Variants in RANBP1 observed in about 807,000 individuals in gnomAD.
RANBP1 encodes the protein RAN binding protein 1, also known as ran-specific GTPase-activating protein.
Under a neutral mutation model 31.4 loss-of-function variants are expected in RANBP1, and 16 were observed. That is an observed-to-expected ratio of 0.51 (90% CI 0.34 to 0.77). RANBP1 has a LOEUF of 0.77. Among genes scored for constraint, RANBP1 ranks in the 30% least tolerant of loss-of-function variants. The pLI, the probability that RANBP1 is intolerant of heterozygous loss-of-function variation, is 0.01. For synonymous variants in RANBP1, 129 were observed against 140.5 expected (o/e 0.92, Z 0.58); for missense variants, 265 against 362.0 (o/e 0.73, Z 2.17).
chr22:20,118,915 C>G (rs2050113886), intron 1 of RANBP1, 98 bp from the exon 2 acceptor site: 1 of 1,303,110 alleles, frequency 7.7e-7, no homozygotes, highest in African/African-American at 1.5e-5. Flanking sequence ...TCTGAAGTCC[C>G]TTCATTGTCG....
chr22:20,122,720 G>A, intron 3 of RANBP1: 17 of 1,005,514 alleles, frequency 1.7e-5, no homozygotes, highest in Non-Finnish European at 2.1e-5. Context: ...GGGCGAGGGG[G>A]TGCTGTGTGT....
At chr22:20,117,317 A>G (rs1406565277) in intron 1 of RANBP1, 8 of 1,031,346 alleles carry the variant, frequency 7.8e-6, no homozygotes, top group Non-Finnish European at 9.9e-6. Flanking sequence ...GCCGGGACGG[A>G]AGTGCGCGCG....
At chr22:20,118,211 G>A (rs2050090289) in intron 1 of RANBP1, 1 of 1,002,510 alleles carries the variant, frequency 1.0e-6, no homozygotes, top group African/African-American at 1.7e-5. Context: ...GAGCCGCAGT[G>A]CTGTGGGGAA....
At chr22:20,125,719 G>T in intron 4 of RANBP1, 2 of 1,239,540 alleles carry the variant, frequency 1.6e-6, no homozygotes, top group Non-Finnish European at 2.1e-6. Context: ...CCAAGCTCCG[G>T]TTCCCATTAG....
intron 1 of RANBP1, chr22:20,116,823 ACCCACCCCGCCTCCT>A: frequency 7.7e-7 from 1 of 1,293,998 alleles, no homozygotes; most frequent in Non-Finnish European, 1.1e-6. Context: ...AGGTTTCCTG[ACCCACCCCGCCTCCT>A]CCCACCCCAT....
chr22:20,116,974 T>C (rs2050046648), intron 1 of RANBP1: 1 of 1,508,144 alleles, frequency 6.6e-7, no homozygotes, highest in East Asian at 2.4e-5. Flanking sequence ...GTCCTGGGCC[T>C]GTCACAAGGG....
chr22:20,119,385 C>T, intron 2 of RANBP1: 1 of 505,650 alleles, frequency 2.0e-6, no homozygotes, highest in East Asian at 3.5e-5. Context: ...CTGCTCTGTC[C>T]ACTGGCATGG....
chr22:20,126,261 C>G, intron 4 of RANBP1, 42 bp from the exon 5 acceptor site: 1 of 1,593,876 alleles, frequency 6.3e-7, no homozygotes, highest in African/African-American at 1.3e-5. Context: ...GTCTCTTCCA[C>G]TGCTCACAGC....
rs991838344 is a variant in RANBP1, at chr22:20,125,672, G to A, written c.670+236G>A. Reference sequence around the variant, plus strand: ...AAGTAGCTGGTGAACAGCAGTGCCCGCTCAGCCGCCTTGTGGCTGGCACTT... The same window carrying A: ...AAGTAGCTGGTGAACAGCAGTGCCCACTCAGCCGCCTTGTGGCTGGCACTT... On this transcript the variant is annotated intron_variant, in intron 4 of 5. Coordinates refer to ENST00000430524, the MANE Select transcript of RANBP1 (RefSeq NM_001278639.2). 3.5e-5 allele frequency: 49 copies of A among 1,394,846 alleles called. No homozygotes were observed. In the East Asian group the frequency reaches 5.2e-4, roughly 15 times the overall value. 86.4% of individuals were successfully genotyped at this position (1,394,846 alleles called of 1,614,324 possible). A position where few individuals can be genotyped will look rare whatever the true frequency, so the allele number is the denominator to read the frequency against.
chr22:20,121,117 C>T (rs930623633), intron 2 of RANBP1, among the ~76,000 whole-genome samples: 2 of 152,300 alleles, frequency 1.3e-5, no homozygotes, highest in East Asian at 1.9e-4. Flanking sequence ...CCATGCCTGG[C>T]TGATTTTTTG....
At chr22:20,120,405 G>A (rs1269958018) in intron 2 of RANBP1, among the ~76,000 whole-genome samples, 2 of 152,216 alleles carry the variant, frequency 1.3e-5, no homozygotes, top group East Asian at 1.9e-4. Context: ...CGGGTGGGAG[G>A]TGCTCCTGGT....
In RANBP1 at chr22:20,122,488, A is replaced by C. The variant is rs999642447; in HGVS notation, c.541+67A>C. On this transcript the variant is annotated intron_variant, in intron 3 of 5. Transcript: ENST00000430524. ...TGGCCTGGGACCTTTGGGAAGATTC[A>C]GGGCTGATTGGGAACTGGGGAGCGT... 16 of 1,608,592 alleles carry C rather than the reference A, an allele frequency of 9.9e-6. No homozygotes were observed. In the African/African-American group the frequency reaches 2.0e-4, roughly 20 times the overall value.
chr22:20,116,865 C>T (rs546518605), intron 1 of RANBP1: 2 of 1,602,780 alleles, frequency 1.2e-6, no homozygotes, highest in South Asian at 2.3e-5. Flanking sequence ...CTCTACCCAG[C>T]GTCTCCCCGC....
At chr22:20,116,851 C>T (rs1177773632) in intron 1 of RANBP1, 1 of 1,599,422 alleles carries the variant, frequency 6.3e-7, no homozygotes, top group Non-Finnish European at 8.5e-7. Flanking sequence ...CACCCCATCC[C>T]CGTCTCTACC....
intron 1 of RANBP1, chr22:20,116,939 G>T (rs1387318461): frequency 1.9e-6 from 3 of 1,578,176 alleles, no homozygotes; most frequent in African/African-American, 2.7e-5. Flanking sequence ...GACCAGGGAC[G>T]CCATGGGGGC....
chr22:20,117,708 G>C, intron 1 of RANBP1: 1 of 1,119,528 alleles, frequency 8.9e-7, no homozygotes, highest in Non-Finnish European at 1.1e-6. Context: ...GGGCGGGGCC[G>C]GGGCCGTTAT....
chr22:20,126,609 G>A (rs983100731), intron 5 of RANBP1: 1 of 1,529,038 alleles, frequency 6.5e-7, no homozygotes, highest in Non-Finnish European at 8.8e-7. Context: ...GCACTGCCTG[G>A]AGCTCACCAG....
chr22:20,122,010 A>T (rs2050181430), intron 2 of RANBP1, among the ~76,000 whole-genome samples: 2 of 150,922 alleles, frequency 1.3e-5, no homozygotes, highest in African/African-American at 2.5e-5. Flanking sequence ...GAATGCTGGG[A>T]TTACAAATGA....
chr22:20,125,085 G>T (rs2050266452), intron 3 of RANBP1: 2 of 547,408 alleles, frequency 3.7e-6, no homozygotes, highest in Non-Finnish European at 6.5e-6. Flanking sequence ...TCCTATTTAG[G>T]ATGGTCCTGG....
Sources: gnomAD v4.1 joint callset for allele counts (sites outside exome capture counted in the v4.1 genomes callset) on GRCh38, gnomAD v4.1.1 for gene constraint, MANE v1.5 for transcripts, NCBI Gene and HGNC (gene_info 2026-07-23, HGNC 2026-07-21) for gene names.